Variants in TTC7B observed in about 807,000 individuals in gnomAD.
The protein encoded by TTC7B is tetratricopeptide repeat protein 7B.
A neutral mutation model predicts 106.8 loss-of-function variants in TTC7B; 28 were observed. The ratio of observed to expected loss-of-function variants is 0.26; its 90% CI spans 0.19 to 0.36. The LOEUF (loss-of-function observed/expected upper bound fraction) is 0.36. Ranked by LOEUF, TTC7B falls within the 10% of genes least tolerant of loss-of-function variation. The pLI is 1.00. For synonymous variants in TTC7B, 405 were observed against 430.6 expected, an observed-to-expected ratio of 0.94 and a Z score of 0.74; for missense variants, 862 against 1,076.4, an observed-to-expected ratio of 0.80 and a Z score of 2.79.
At chr14:90,718,738 A>G (rs1042166914) in intron 5 of TTC7B, among the ~76,000 whole-genome samples, 3 of 152,000 alleles carry the variant, frequency 2.0e-5, no homozygotes, top group Middle Eastern at 6.8e-3. Context: ...CAGCCGTCTC[A>G]GCTGAAAATG....
intron 14 of TTC7B, among the ~76,000 whole-genome samples, chr14:90,646,321 G>T (rs1429264978): frequency 6.6e-6 from 1 of 152,208 alleles, no homozygotes; most frequent in Non-Finnish European, 1.5e-5. Flanking sequence ...CAGAACAGCT[G>T]GGAGGGGATA....
At position 90,805,467 on chromosome 14, in the gene TTC7B, T is replaced by C. The variant is rs2030551034; in HGVS notation, c.121+10708A>G. Among the ~76,000 whole-genome samples, 1 of 152,204 alleles carries C rather than the reference T, an allele frequency of 6.6e-6. No homozygotes were observed. The highest frequency in any genetic ancestry group is 6.5e-5 in the Admixed American group (1 of 15,284). ...TTTTAGTAGAGACAGAGTTTCACCATGTTGGCCGGGCTGGTCTCGAAATCC... is the reference window on the plus strand; with the variant it reads ...TTTTAGTAGAGACAGAGTTTCACCACGTTGGCCGGGCTGGTCTCGAAATCC... On this transcript the variant is annotated intron_variant, in intron 1 of 19. Transcript: ENST00000328459. This position sits in a 1 kb window ranked among gnomAD's most constrained non-coding sequence, Gnocchi z 4.0.
In TTC7B at chr14:90,669,033, G is replaced by C. The variant is rs185298958; in HGVS notation, c.1152+7490C>G. Among the ~76,000 whole-genome samples, 6 of 152,076 alleles carry C rather than the reference G, an allele frequency of 3.9e-5. No homozygotes were observed. In the East Asian group the frequency reaches 1.2e-3, roughly 29 times the overall value. On this transcript the variant is annotated intron_variant, in intron 9 of 19. Coordinates refer to ENST00000328459, the MANE Select transcript of TTC7B (RefSeq NM_001010854.2). ...GATACATATACAGACCAAAGGAACA[G>C]AATTAAGATTCCAGGAAAAAATTCA...
At chr14:90,644,266 C>T (rs1885332867) in intron 14 of TTC7B, 58 bp from the exon 15 acceptor site, 2 of 1,315,506 alleles carry the variant, frequency 1.5e-6, no homozygotes, top group Non-Finnish European at 2.0e-6. Context: ...CGCACACACA[C>T]ACACACACAC....
At chr14:90,647,115 T>C in intron 13 of TTC7B, 92 bp from the exon 14 acceptor site, 1 of 1,058,562 alleles carries the variant, frequency 9.4e-7, no homozygotes, top group Admixed American at 1.8e-5. Flanking sequence ...TGCATTCTTA[T>C]ACTAAGGGCC....
At chr14:90,741,466 A>C (rs1421103357) in intron 4 of TTC7B, among the ~76,000 whole-genome samples, 4 of 152,162 alleles carry the variant, frequency 2.6e-5, no homozygotes, top group African/African-American at 9.7e-5. Context: ...GGGAAGTGAC[A>C]GGGCACCATG....
rs2030734074 is a variant in TTC7B at position 90,808,681 on chromosome 14, C to T, written c.121+7494G>A. On this transcript the variant is annotated intron_variant, in intron 1 of 19. Coordinates refer to ENST00000328459, the MANE Select transcript of TTC7B (RefSeq NM_001010854.2). The surrounding 1 kb of genome is among the most constrained non-coding windows in gnomAD (Gnocchi z 4.2). ...CATCCGCTCATCCTTGTCTTGGTGG[C>T]TGATGGGAATGCTTTTGAGGTCTCA... 6.6e-6 allele frequency among the ~76,000 whole-genome samples: 1 copy of T among 152,220 alleles called. No individual in the cohort carries two copies. Among genetic ancestry groups the T allele is most frequent in the Non-Finnish European group, 1.5e-5 (1 of 68,042 alleles).
At chr14:90,647,128 T>C in intron 13 of TTC7B, 105 bp from the exon 14 acceptor site, 4 of 878,550 alleles carry the variant, frequency 4.6e-6, no homozygotes, top group Non-Finnish European at 7.6e-6. Context: ...TAAGGGCCCG[T>C]ATTTATTTAA....
Position 90,593,565 on chromosome 14 carries a change from A to G in TTC7B, c.2028T>C (p.Ala676=). Residue 676 remains alanine, a synonymous_variant, in exon 18 of 20, where the codon GCT becomes GCC. Coordinates refer to ENST00000328459, the MANE Select transcript of TTC7B (RefSeq NM_001010854.2). ...SRVEQALSEV[A]SSLQSSAPKQ... is the part of the protein sequence containing the mutation. ...TAGGGGCACTGCTCTGCAGAGACGA[A>G]GCCACTTCCGACAGTGCCTGCTCCA... 6.2e-7 allele frequency: 1 copy of G among 1,612,680 alleles called. No individual in the cohort carries two copies. Among genetic ancestry groups the G allele is most frequent in the Non-Finnish European group, 8.5e-7 (1 of 1,179,184 alleles).
intron 19 of TTC7B, among the ~76,000 whole-genome samples, chr14:90,572,536 G>C (rs144050389): frequency 1.3e-5 from 2 of 152,218 alleles, no homozygotes; most frequent in African/African-American, 4.8e-5. Context: ...GAAATAGAAC[G>C]GCAGAGCCAG....
chr14:90,734,568 A>C lies in TTC7B; in HGVS notation c.577-4372T>G, dbSNP rs142037719. 3.7e-3 allele frequency among the ~76,000 whole-genome samples: 567 copies of C among 152,226 alleles called. 7 individuals carry two copies. The highest frequency in any genetic ancestry group is 0.013 in the African/African-American group (553 of 41,542). Reference sequence around the variant, plus strand: ...AAGACTTCAGTATTATGGACAATAAACACCATCCTTGCCATCCTCGACACT... The same window carrying C: ...AAGACTTCAGTATTATGGACAATAACCACCATCCTTGCCATCCTCGACACT... On this transcript the variant is annotated intron_variant, in intron 4 of 19. Transcript: ENST00000328459.
At chr14:90,580,699 C>T (rs1367629052) in intron 18 of TTC7B, among the ~76,000 whole-genome samples, 1 of 152,246 alleles carries the variant, frequency 6.6e-6, no homozygotes, top group Non-Finnish European at 1.5e-5. Context: ...ACTGCAGCCT[C>T]CTTCAGGGCC....
intron 5 of TTC7B, chr14:90,698,189 G>C (rs530457637): frequency 6.6e-6 from 1 of 152,070 alleles, no homozygotes; most frequent in Non-Finnish European, 1.5e-5. Context: ...TCAACTAATC[G>C]CTTCCACTGT....
Position 90,686,253 on chromosome 14 carries a change from G to A in TTC7B, c.950+3287C>T, listed in dbSNP as rs555623699. Among the ~76,000 whole-genome samples the A allele has an allele frequency of 3.6e-3, 547 of 152,212 alleles. 3 individuals carry two copies. The highest frequency in any genetic ancestry group is 0.013 in the African/African-American group (530 of 41,532). ...CCACATTATCATTTCAATTGATGCA[G>A]AAAAAGCAGTTGACAAAATTCAACA... On this transcript the variant is annotated intron_variant, in intron 7 of 19. Transcript: ENST00000328459.
chr14:90,626,205 C>T (rs1285060976), intron 15 of TTC7B, among the ~76,000 whole-genome samples: 3 of 152,190 alleles, frequency 2.0e-5, no homozygotes, highest in Non-Finnish European at 4.4e-5. Flanking sequence ...AGTCCCTGCA[C>T]TTAGGAAATT....
rs915267002 is a variant in TTC7B, at chr14:90,758,376, G to A, written c.446-13454C>T. Among the ~76,000 whole-genome samples the A allele has an allele frequency of 6.0e-4, 80 of 134,076 alleles. 1 individual carries two copies. Among genetic ancestry groups the A allele is most frequent in the African/African-American group, 2.2e-3 (78 of 36,030 alleles). The allele number at this position is 134,076 out of a possible 152,430, so 88.0% of individuals were successfully genotyped here. A position where few individuals can be genotyped will look rare whatever the true frequency, so the allele number is the denominator to read the frequency against. On this transcript the variant is annotated intron_variant, in intron 3 of 19. Coordinates refer to ENST00000328459, the MANE Select transcript of TTC7B (RefSeq NM_001010854.2). ...CGGGGCGAGAGCGCAAGGAGGGGCG[G>A]GGCGAGACGGGGCAAGAGAGTGGGG... is the stretch of plus-strand genomic sequence containing the variant.
At chr14:90,557,133 C>T (rs1461600393) in intron 19 of TTC7B, among the ~76,000 whole-genome samples, 1 of 152,224 alleles carries the variant, frequency 6.6e-6, no homozygotes, top group East Asian at 1.9e-4. Context: ...CCCATCTGCC[C>T]TCTGCTTCTA....
rs186813395 is a variant in TTC7B at position 90,733,911 on chromosome 14, C to T, written c.577-3715G>A. Among the ~76,000 whole-genome samples, 220 of 152,194 alleles carry T rather than the reference C, an allele frequency of 1.4e-3. 1 individual carries two copies. The highest frequency in any genetic ancestry group is 5.2e-3 in the African/African-American group (215 of 41,516). On this transcript the variant is annotated intron_variant, in intron 4 of 19. Transcript: ENST00000328459. ...GAAACTTCACTTCATGAGCAAATACCATACATTATTATACAAATATTATAA... is the reference window on the plus strand; with the variant it reads ...GAAACTTCACTTCATGAGCAAATACTATACATTATTATACAAATATTATAA...
intron 15 of TTC7B, among the ~76,000 whole-genome samples, chr14:90,623,498 A>C (rs1290865290): frequency 6.6e-6 from 1 of 152,236 alleles, no homozygotes; most frequent in Non-Finnish European, 1.5e-5. Context: ...CAAAATGTGC[A>C]AAGCTCTGTG....
Sources: allele counts gnomAD v4.1 joint callset (sites outside exome capture counted in the v4.1 genomes callset), GRCh38; gene constraint gnomAD v4.1.1; non-coding constraint Gnocchi (gnomAD v3.1); transcripts MANE v1.5; gene names NCBI Gene and HGNC (gene_info 2026-07-23, HGNC 2026-07-21).